The following CASZ1 variants were observed in gnomAD, a reference collection of about 807,000 sequenced individuals.
The protein encoded by CASZ1 is castor zinc finger 1.
A neutral mutation model predicts 135.2 loss-of-function variants in CASZ1; 28 were observed. The observed-to-expected ratio is 0.21, with a 90% CI of 0.15 to 0.28. The LOEUF is 0.28. CASZ1 is among the 10% of genes least tolerant of loss of function. CASZ1 has a pLI of 1.00. For missense variants in CASZ1, 2,161 were observed against 2,453.3 expected, an observed-to-expected ratio of 0.88 and a Z score of 2.52; for synonymous variants, 1,068 against 1,073.4, an observed-to-expected ratio of 0.99 and a Z score of 0.10.
At chr1:10,691,078 CCCCTCCCT>C (rs3835307) in intron 4 of CASZ1, among the ~76,000 whole-genome samples, 7 of 139,512 alleles carry the variant, frequency 5.0e-5, no homozygotes, top group East Asian at 2.0e-4. Context: ...CTTCCTCTCT[CCCCTCCCT>C]CCCTCCCTCC....
rs1001713358 is a variant in CASZ1 at position 10,638,783 on chromosome 1, G to C, written c.*159C>G. 2.8e-6 allele frequency: 2 copies of C among 707,518 alleles called. No homozygotes were observed. Among genetic ancestry groups the C allele is most frequent in the African/African-American group, 3.9e-5 (2 of 51,594 alleles). 43.8% of individuals were successfully genotyped at this position (707,518 alleles called of 1,614,324 possible). A position where few individuals can be genotyped will look rare whatever the true frequency, so the allele number is the denominator to read the frequency against. ...ACCGCCGCCGCCTGTGTCCTCGGCC[G>C]CGGAGCACCAGAGGGGTCCCCGCCT... On this transcript the variant is annotated 3_prime_UTR_variant, in exon 21 of 21. Transcript: ENST00000377022. This position sits in a 1 kb window ranked among gnomAD's most constrained non-coding sequence, Gnocchi z 5.9.
At chr1:10,718,275 G>C (rs115644004) in intron 2 of CASZ1, among the ~76,000 whole-genome samples, 1 of 152,192 alleles carries the variant, frequency 6.6e-6, no homozygotes, top group African/African-American at 2.4e-5. Flanking sequence ...CTGTGTCCCC[G>C]TGCCCACTCC....
intron 1 of CASZ1, among the ~76,000 whole-genome samples, chr1:10,775,082 A>T (rs1640639091): frequency 6.6e-6 from 1 of 152,074 alleles, no homozygotes; most frequent in Non-Finnish European, 1.5e-5. Flanking sequence ...CGCACCAGGC[A>T]GTCGGCCAGA....
Position 10,791,768 on chromosome 1 carries a change from G to GAT in CASZ1, c.-234+4794_-234+4795dup, listed in dbSNP as rs373821908. ...GGGAGAGAGAGAGAGAGAAGAGAGAGATGACTTTCCTTGAATGATCTGTTT... is the reference window on the plus strand; with the variant it reads ...GGGAGAGAGAGAGAGAGAAGAGAGAGATATGACTTTCCTTGAATGATCTGTTT... On this transcript the variant is annotated intron_variant, in intron 1 of 20. Transcript: ENST00000377022. 1.8e-3 allele frequency among the ~76,000 whole-genome samples: 272 copies of GAT among 152,036 alleles called. 9 individuals are homozygous for GAT. In the East Asian group the frequency reaches 0.048, roughly 27 times the overall value.
chr1:10,725,121 G>A lies in CASZ1; in HGVS notation c.-76-19577C>T, dbSNP rs75785954. Among the ~76,000 whole-genome samples the A allele has an allele frequency of 6.6e-6, 1 of 152,284 alleles. No homozygotes were observed. Among genetic ancestry groups the A allele is most frequent in the East Asian group, 1.9e-4 (1 of 5,160 alleles). ...GGAGGGGGCTTGGGCTCCCCTCGGT[G>A]GGGGTAGGATTCCCTAGTTGGCCAG... On this transcript the variant is annotated intron_variant, in intron 2 of 20. Transcript: ENST00000377022. This position sits in a 1 kb window ranked among gnomAD's most constrained non-coding sequence, Gnocchi z 4.4.
chr1:10,654,335 G>C, intron 10 of CASZ1, 84 bp downstream of exon 10: 2 of 1,574,362 alleles, frequency 1.3e-6, no homozygotes, highest in Non-Finnish European at 1.7e-6. Context: ...ACCGAGGCAG[G>C]GGCCTGAGCC....
chr1:10,657,488 T>G lies in CASZ1; in HGVS notation c.1410-752A>C, dbSNP rs1321890821. On this transcript the variant is annotated intron_variant, in intron 7 of 20. Coordinates refer to ENST00000377022, the MANE Select transcript of CASZ1 (RefSeq NM_001079843.3). This position sits in a 1 kb window ranked among gnomAD's most constrained non-coding sequence, Gnocchi z 5.7. The stretch of plus-strand genomic sequence containing the variant: ...AGACACAGAGAGAAACCCCATACTG[T>G]AATGGGAAAACCACGTGCAAACAAA... Among the ~76,000 whole-genome samples, 2 of 152,066 alleles carry G rather than the reference T, an allele frequency of 1.3e-5. No individual in the cohort carries two copies. The highest frequency in any genetic ancestry group is 1.5e-5 in the Non-Finnish European group (1 of 68,010).
Position 10,645,527 on chromosome 1 carries a change from C to CA in CASZ1, c.3697-440dup, listed in dbSNP as rs915929449. On this transcript the variant is annotated intron_variant, in intron 17 of 20. Transcript: ENST00000377022. ...CCTGGGTGACAGAGCGAGACTGTCT[C>CA]AAAAAAAAGGCAGTGTCTGCCCTTA... 1.4e-4 allele frequency among the ~76,000 whole-genome samples: 22 copies of CA among 151,986 alleles called. No individual in the cohort carries two copies. The South Asian group carries it at 4.4e-3, about 30-fold the overall frequency.
chr1:10,672,455 G>A (rs1160821711), intron 4 of CASZ1, among the ~76,000 whole-genome samples: 2 of 146,204 alleles, frequency 1.4e-5, no homozygotes, highest in African/African-American at 5.1e-5. Context: ...TCCTTCACTC[G>A]CCAGCCCGCG....
At chr1:10,698,949 A>G (rs1484499929) in intron 3 of CASZ1, among the ~76,000 whole-genome samples, 3 of 152,212 alleles carry the variant, frequency 2.0e-5, no homozygotes, top group African/African-American at 7.2e-5. Flanking sequence ...GGAGGCAGCC[A>G]GCTCTTACCC....
intron 1 of CASZ1, among the ~76,000 whole-genome samples, chr1:10,796,059 T>G (rs1422690461): frequency 3.0e-5 from 4 of 131,298 alleles, no homozygotes; most frequent in Non-Finnish European, 3.3e-5. Context: ...TGCTGGGGGG[T>G]GGGGTGGGGT....
intron 1 of CASZ1, among the ~76,000 whole-genome samples, chr1:10,765,818 G>A (rs918177597): frequency 6.6e-6 from 1 of 152,192 alleles, no homozygotes; most frequent in Non-Finnish European, 1.5e-5. Flanking sequence ...AGGGGACAGG[G>A]AGGGGACCCG....
chr1:10,663,964 TTCCTC>T (rs796842856), intron 5 of CASZ1, among the ~76,000 whole-genome samples: 45 of 152,230 alleles, frequency 3.0e-4, no homozygotes, highest in African/African-American at 8.4e-4. Context: ...CCTTGTCGCG[TTCCTC>T]TCCTCTCCTC....
intron 2 of CASZ1, among the ~76,000 whole-genome samples, chr1:10,751,616 G>A (rs571949092): frequency 4.6e-5 from 7 of 152,318 alleles, no homozygotes; most frequent in African/African-American, 1.4e-4. Context: ...GGCAGGAGCT[G>A]GCTCGAGAAA....
chr1:10,660,300 C>T lies in CASZ1; in HGVS notation c.742G>A (p.Ala248Thr). The change falls in exon 6 of 21, where the codon GCT (alanine) becomes ACT (threonine). Residue 248 changes from alanine (A) to threonine (T), a missense_variant. Coordinates refer to ENST00000377022, the MANE Select transcript of CASZ1 (RefSeq NM_001079843.3). ...GCCGGCCAGGAGAGCTGCTCGCCAG[C>T]CTTGAGCTTGCGGATGTACTCCTCA... ...KYEEYIRKLK[A>T]GEQLSWPAPS... 1 of 1,614,122 alleles carries T rather than the reference C, an allele frequency of 6.2e-7. No individual in the cohort carries two copies. Among genetic ancestry groups the T allele is most frequent in the Non-Finnish European group, 8.5e-7 (1 of 1,180,022 alleles).
rs1639555059 is a variant in CASZ1 at position 10,724,205 on chromosome 1, C to T, written c.-76-18661G>A. On this transcript the variant is annotated intron_variant, in intron 2 of 20. Coordinates refer to ENST00000377022, the MANE Select transcript of CASZ1 (RefSeq NM_001079843.3). This position sits in a 1 kb window ranked among gnomAD's most constrained non-coding sequence, Gnocchi z 4.1. ...ACGATCCACAGGGTGAGAGCAAAGG[C>T]CACGTGGTCAGAGCCGGGCTATAAA... Among the ~76,000 whole-genome samples, 1 of 152,156 alleles carries T rather than the reference C, an allele frequency of 6.6e-6. No individual in the cohort carries two copies. The highest frequency in any genetic ancestry group is 2.1e-4 in the South Asian group (1 of 4,832).
rs1362338979 is a variant in CASZ1 at position 10,660,521 on chromosome 1, A to G, written c.521T>C (p.Leu174Pro). 2 of 1,612,704 alleles carry G rather than the reference A, an allele frequency of 1.2e-6. No individual in the cohort carries two copies. The highest frequency in any genetic ancestry group is 2.2e-5 in the East Asian group (1 of 44,866). ...TRQASGEASS[L>P]RDYAASTMTE... ...CATGGTGGAGGCCGCGTAGTCCCGC[A>G]GCGAGGAGGCCTCTCCTGCAGAGGA... Residue 174 changes from leucine to proline, a missense_variant, in exon 6 of 21, where the codon CTG (leucine) becomes CCG (proline). By Grantham distance (98) the Leu-to-Pro change is moderately conservative (BLOSUM62 -3). Transcript: ENST00000377022.
chr1:10,751,873 G>A (rs145436052), intron 2 of CASZ1, among the ~76,000 whole-genome samples: 8 of 152,324 alleles, frequency 5.3e-5, no homozygotes, highest in African/African-American at 1.2e-4. Context: ...TTGGGGCACT[G>A]CCCGCCTGGC....
chr1:10,667,488 G>A, intron 4 of CASZ1, among the ~76,000 whole-genome samples: 1 of 152,160 alleles, frequency 6.6e-6, no homozygotes, highest in Non-Finnish European at 1.5e-5. Context: ...GCACGATGCG[G>A]GGCCCCTCTC....
Sources: allele counts gnomAD v4.1 joint callset (sites outside exome capture counted in the v4.1 genomes callset), GRCh38; gene constraint gnomAD v4.1.1; non-coding constraint Gnocchi (gnomAD v3.1); transcripts MANE v1.5; gene names NCBI Gene and HGNC (gene_info 2026-07-23, HGNC 2026-07-21).